GABRA6: variants seen among roughly 807,000 people sequenced by gnomAD.
GABRA6 encodes gamma-aminobutyric acid type A receptor subunit alpha6, also known as gamma-aminobutyric acid receptor subunit alpha-6.
In GABRA6, 45 loss-of-function variants were observed where a neutral mutation model predicts 47.3. The ratio of observed to expected loss-of-function variants is 0.95; its 90% CI spans 0.75 to 1.22. The LOEUF is 1.22. GABRA6 is among the 50% of genes most tolerant of loss of function. The probability of loss-of-function intolerance (pLI) is 0.00; values close to 1 mark genes in which losing one functional copy is unlikely to be tolerated. For synonymous variants in GABRA6, 219 were observed against 194.7 expected (o/e 1.12, Z -1.04); for missense variants, 583 against 549.3 (o/e 1.06, Z -0.61).
intron 7 of GABRA6, among the ~76,000 whole-genome samples, chr5:161,691,542 C>T (rs1286928938): frequency 6.6e-6 from 1 of 151,608 alleles, no homozygotes; most frequent in African/African-American, 2.4e-5. Context: ...CCTCGTGATC[C>T]GCCCGCCTCG....
At chr5:161,697,793 A>G (rs1375576871) in intron 8 of GABRA6, among the ~76,000 whole-genome samples, 1 of 152,172 alleles carries the variant, frequency 6.6e-6, no homozygotes, top group Non-Finnish European at 1.5e-5. Flanking sequence ...AATTGTTAAG[A>G]GCGCGGTCTG....
intron 8 of GABRA6, among the ~76,000 whole-genome samples, chr5:161,699,880 T>A (rs2113088153): frequency 6.6e-6 from 1 of 152,252 alleles, no homozygotes; most frequent in East Asian, 1.9e-4. Flanking sequence ...CTGTCCAGAG[T>A]ACCACAGTAC....
intron 8 of GABRA6, among the ~76,000 whole-genome samples, chr5:161,693,825 A>G (rs907304145): frequency 2.6e-5 from 4 of 152,068 alleles, no homozygotes; most frequent in African/African-American, 9.7e-5. Flanking sequence ...TTTTGTAATA[A>G]TAATAATAAT....
chr5:161,688,243 A>G (rs1237494759), intron 3 of GABRA6, among the ~76,000 whole-genome samples: 8 of 152,190 alleles, frequency 5.3e-5, no homozygotes, highest in Non-Finnish European at 1.2e-4. Flanking sequence ...AGGCAAAGCA[A>G]TTATTGGCAA....
chr5:161,694,969 G>A (rs925311275), intron 8 of GABRA6, among the ~76,000 whole-genome samples: 18 of 152,180 alleles, frequency 1.2e-4, no homozygotes, highest in African/African-American at 3.6e-4. Flanking sequence ...TTGATTGCAA[G>A]ACATTTTCTC....
intron 8 of GABRA6, among the ~76,000 whole-genome samples, chr5:161,693,686 C>T (rs1754842976): frequency 6.6e-6 from 1 of 151,966 alleles, no homozygotes; most frequent in Non-Finnish European, 1.5e-5. Context: ...GTGGTGGTGG[C>T]ATATGCTTGC....
chr5:161,688,936 T>C lies in GABRA6; in HGVS notation c.226-13T>C, dbSNP rs1737975723. On this transcript the variant is annotated splice_polypyrimidine_tract_variant and intron_variant, in intron 3 of 8. Transcript: ENST00000274545. ...ATCTTTCCAGCCCACACAAATATTT[T>C]ATTTTCTCTTAGGAGTATACGATGG... The C allele has an allele frequency of 6.2e-7, 1 of 1,604,304 alleles. No individual in the cohort carries two copies. Among genetic ancestry groups the C allele is most frequent in the Non-Finnish European group, 8.5e-7 (1 of 1,171,862 alleles).
At chr5:161,690,569 G>C (rs1232260991) in intron 7 of GABRA6, among the ~76,000 whole-genome samples, 1 of 152,122 alleles carries the variant, frequency 6.6e-6, no homozygotes, top group African/African-American at 2.4e-5. Flanking sequence ...AATTATGGCT[G>C]GTTTCCTATG....
At position 161,688,973 on chromosome 5, in the gene GABRA6, C is replaced by T. The variant is rs754862222; in HGVS notation, c.250C>T (p.Arg84Cys). Reference sequence around the variant, plus strand: ...GGAGTATACGATGGATGTTTTTTTCCGCCAGACCTGGACTGATGAGAGGTT... The same window carrying T: ...GGAGTATACGATGGATGTTTTTTTCTGCCAGACCTGGACTGATGAGAGGTT... ...EMEYTMDVFF[R>C]QTWTDERLKF... The change falls in exon 4 of 9, where the codon CGC becomes TGC. Residue 84 changes from arginine (R) to cysteine (C), a missense_variant. By Grantham distance (180) the Arg-to-Cys change is radical. Transcript: ENST00000274545. 45 of 1,613,556 alleles carry T rather than the reference C, an allele frequency of 2.8e-5. No individual in the cohort carries two copies. The highest frequency in any genetic ancestry group is 1.1e-4 in the African/African-American group (8 of 74,942).
intron 8 of GABRA6, among the ~76,000 whole-genome samples, chr5:161,697,650 G>T (rs945956874): frequency 6.6e-5 from 10 of 152,126 alleles, no homozygotes; most frequent in Non-Finnish European, 1.3e-4. Flanking sequence ...AGAGGCCAGG[G>T]ATGCTGCTCT....
chr5:161,686,618 A>G (rs7723809), intron 2 of GABRA6, among the ~76,000 whole-genome samples: 2 of 152,208 alleles, frequency 1.3e-5, no homozygotes, highest in African/African-American at 4.8e-5. Context: ...GCAAAATGAG[A>G]TTATTCATGT....
At chr5:161,696,360 T>C (rs1424814109) in intron 8 of GABRA6, among the ~76,000 whole-genome samples, 1 of 152,050 alleles carries the variant, frequency 6.6e-6, no homozygotes, top group Non-Finnish European at 1.5e-5. Context: ...GATTTTTTTT[T>C]TTTTTTTTGA....
In GABRA6 at chr5:161,689,064, C is replaced by T; in HGVS notation, c.341C>T (p.Pro114Leu). The change falls in exon 4 of 9, where the codon CCT becomes CTT. Residue 114 changes from proline to leucine, a missense_variant. Coordinates refer to ENST00000274545, the MANE Select transcript of GABRA6 (RefSeq NM_000811.3). ...TTGATGGTCAGTAAAATCTGGACGC[C>T]TGACACCTTTTTCAGAAATGGTAAA... ...NNLMVSKIWTPDTFFRNGKKS... is the reference protein window; with the variant it reads ...NNLMVSKIWTLDTFFRNGKKS... 1 of 1,614,042 alleles carries T rather than the reference C, an allele frequency of 6.2e-7. No individual in the cohort carries two copies.
At position 161,685,978 on chromosome 5, in the gene GABRA6, G is replaced by A; in HGVS notation, c.-12G>A. The A allele has an allele frequency of 6.2e-7, 1 of 1,612,300 alleles. No individual in the cohort carries two copies. Among genetic ancestry groups the A allele is most frequent in the South Asian group, 1.1e-5 (1 of 91,058 alleles). Reference sequence around the variant, plus strand: ...CTAGGAGGGTGAATTCTGCATTTCAGTGCACTGCAGGATGGCGTCGTCTCT... The same window carrying A: ...CTAGGAGGGTGAATTCTGCATTTCAATGCACTGCAGGATGGCGTCGTCTCT... On this transcript the variant is annotated 5_prime_UTR_variant, in exon 1 of 9. In the 5' UTR this introduces an upstream ATG that the reference lacks. Coordinates refer to ENST00000274545, the MANE Select transcript of GABRA6 (RefSeq NM_000811.3).
In GABRA6 at chr5:161,690,235, G is replaced by A; in HGVS notation, c.708G>A (p.Leu236=). The change falls in exon 7 of 9, where the codon TTG becomes TTA. Residue 236 remains leucine (L), a synonymous_variant. Transcript: ENST00000274545. ...TTATAATGACAGTTTACTTCCACTT[G>A]CAAAGGAAGATGGGCTACTTCATGA... ...EYVIMTVYFH[L]QRKMGYFMIQ... 1 of 1,613,640 alleles carries A rather than the reference G, an allele frequency of 6.2e-7. No homozygotes were observed. Among genetic ancestry groups the A allele is most frequent in the Non-Finnish European group, 8.5e-7 (1 of 1,179,682 alleles).
At chr5:161,700,577 C>T (rs1754962544) in intron 8 of GABRA6, among the ~76,000 whole-genome samples, 1 of 152,158 alleles carries the variant, frequency 6.6e-6, no homozygotes, top group African/African-American at 2.4e-5. Context: ...CTGAAATTGA[C>T]CATTGGAGTT....
intron 8 of GABRA6, among the ~76,000 whole-genome samples, 187 bp downstream of exon 8, chr5:161,692,387 C>T (rs2113076330): frequency 6.6e-6 from 1 of 152,176 alleles, no homozygotes; most frequent in East Asian, 1.9e-4. Flanking sequence ...CTTCATTTAT[C>T]TTTGCTGTAA....
chr5:161,692,028 G>GCCATGGAA lies in GABRA6; in HGVS notation c.914_915insCCATGGAA (p.Trp305CysfsTer6), dbSNP rs1754801166. The GCCATGGAA allele has an allele frequency of 6.2e-7, 1 of 1,614,098 alleles. No homozygotes were observed. The highest frequency in any genetic ancestry group is 8.5e-7 in the Non-Finnish European group (1 of 1,179,994). On this transcript the variant is annotated frameshift_variant, in exon 8 of 9. Transcript: ENST00000274545. LOFTEE classifies it high-confidence loss of function. ...GTGTCATATGCCACTGCCATGGATT[G>GCCATGGAA]GTTCATAGCTGTTTGCTTTGCATTC...
intron 8 of GABRA6, among the ~76,000 whole-genome samples, chr5:161,699,557 C>T (rs1280321625): frequency 4.6e-5 from 6 of 129,048 alleles, no homozygotes; most frequent in Admixed American, 8.0e-5. Context: ...CAGCTGTCAT[C>T]TTTTTTTTTT....
Sources: gnomAD v4.1 joint callset for allele counts (sites outside exome capture counted in the v4.1 genomes callset) on GRCh38, gnomAD v4.1.1 for gene constraint, MANE v1.5 for transcripts, NCBI Gene and HGNC (gene_info 2026-07-23, HGNC 2026-07-21) for gene names.